Variants in SEMA3D observed in about 807,000 individuals in gnomAD.
The protein encoded by SEMA3D is semaphorin 3D.
SEMA3D carries 84 observed loss-of-function variants against 100.1 expected under a neutral mutation model. The ratio of observed to expected loss-of-function variants is 0.84; its 90% CI spans 0.70 to 1.01. The LOEUF (loss-of-function observed/expected upper bound fraction) is 1.01. SEMA3D is among the 50% of genes least tolerant of loss of function. The pLI is 0.00. For synonymous variants in SEMA3D, 312 were observed against 320.7 expected (o/e 0.97, Z 0.29); for missense variants, 875 against 934.1 (o/e 0.94, Z 0.82).
upstream of SEMA3D, among the ~76,000 whole-genome samples, chr7:85,187,896 GC>G (rs1253188578): frequency 6.6e-6 from 1 of 152,202 alleles, no homozygotes; most frequent in Non-Finnish European, 1.5e-5. Context: ...ATTTTTAGCT[GC>G]ATGGTAAATC....
chr7:85,032,013 C>T (rs190483398), intron 12 of SEMA3D, among the ~76,000 whole-genome samples: 15 of 151,794 alleles, frequency 9.9e-5, no homozygotes, highest in Non-Finnish European at 1.9e-4. Context: ...AGAATATTAA[C>T]GAATAGAGAG....
At chr7:85,147,441 T>C (rs921551784) in intron 2 of SEMA3D, among the ~76,000 whole-genome samples, 1 of 152,084 alleles carries the variant, frequency 6.6e-6, no homozygotes, top group Non-Finnish European at 1.5e-5. Context: ...TGAGCCACCA[T>C]GCCTGGCCTC....
rs536069533 is a variant in SEMA3D, at chr7:85,087,037, A to G, written c.313-5458T>C. Among the ~76,000 whole-genome samples the G allele has an allele frequency of 2.2e-4, 34 of 152,364 alleles. No homozygotes were observed. In the South Asian group the frequency reaches 7.0e-3, roughly 32 times the overall value. On this transcript the variant is annotated intron_variant, in intron 4 of 18. Transcript: ENST00000284136. ...ACTGCCTTTTGAATTTATCAGCAAT[A>G]AAATGCCACATAAATCTTCTTACAC...
intron 1 of SEMA3D, among the ~76,000 whole-genome samples, chr7:85,158,684 A>G (rs1184240351): frequency 6.6e-6 from 1 of 152,048 alleles, no homozygotes; most frequent in Non-Finnish European, 1.5e-5. Context: ...TCCCCTTTTG[A>G]AAATCACTAA....
At chr7:85,009,007 A>G (rs932932871) in intron 17 of SEMA3D, among the ~76,000 whole-genome samples, 1 of 151,796 alleles carries the variant, frequency 6.6e-6, no homozygotes, top group African/African-American at 2.4e-5. Context: ...AATCTGATAA[A>G]ATGCGGAATC....
intron 1 of SEMA3D, among the ~76,000 whole-genome samples, chr7:85,155,571 C>T (rs1270759576): frequency 6.6e-6 from 1 of 152,128 alleles, no homozygotes; most frequent in Admixed American, 6.5e-5. Context: ...AATCAGGGAA[C>T]AGGCCCAATA....
At chr7:85,229,119 T>G in the SEMA3D span, among the ~76,000 whole-genome samples, 1 of 152,048 alleles carries the variant, frequency 6.6e-6, no homozygotes, top group Admixed American at 6.5e-5. Flanking sequence ...GAAGATATAC[T>G]AAGTTGTAAA....
At chr7:85,067,027 T>C (rs1203608161) in intron 7 of SEMA3D, among the ~76,000 whole-genome samples, 1 of 151,838 alleles carries the variant, frequency 6.6e-6, no homozygotes, top group Non-Finnish European at 1.5e-5. Flanking sequence ...ATCAGATAAA[T>C]GGCAATATTT....
intron 2 of SEMA3D, chr7:85,141,382 T>C: frequency 5.1e-6 from 5 of 984,370 alleles, no homozygotes; most frequent in Non-Finnish European, 6.0e-6. Context: ...TCAGTTTTTA[T>C]TGGAATCCAG....
At chr7:85,053,388 TG>T (rs1268401309) in intron 9 of SEMA3D, among the ~76,000 whole-genome samples, 5 of 151,912 alleles carry the variant, frequency 3.3e-5, no homozygotes, top group Non-Finnish European at 7.4e-5. Context: ...ATAATGACGC[TG>T]GGGGGAAGAA....
the SEMA3D span, among the ~76,000 whole-genome samples, chr7:85,218,546 G>C: frequency 6.6e-6 from 1 of 152,048 alleles, no homozygotes; most frequent in South Asian, 2.1e-4. Flanking sequence ...TGTGCAGTTT[G>C]AAGAGTTTAT....
At chr7:85,246,045 A>G in the SEMA3D span, among the ~76,000 whole-genome samples, 2 of 152,138 alleles carry the variant, frequency 1.3e-5, no homozygotes, top group African/African-American at 2.4e-5. Flanking sequence ...GTAGATGTTA[A>G]TGAATATATT....
intron 17 of SEMA3D, among the ~76,000 whole-genome samples, chr7:85,010,702 A>G (rs1789927133): frequency 6.6e-6 from 1 of 151,884 alleles, no homozygotes; most frequent in African/African-American, 2.4e-5. Flanking sequence ...CTTGAAGAAG[A>G]TAATAAGAAT....
In SEMA3D at chr7:85,181,815, G is replaced by C. The variant is rs185015972; in HGVS notation, c.-173+4863C>G. On this transcript the variant is annotated intron_variant, in intron 1 of 18. Coordinates refer to ENST00000284136, the MANE Select transcript of SEMA3D (RefSeq NM_001384900.1). ...GCTAGTTAAAGATGACCTGGTTGAT[G>C]GCTGTTAAAATTATGAAACATGAAC... is the stretch of plus-strand genomic sequence containing the variant. The C allele has an allele frequency of 8.6e-4, 812 of 946,762 alleles. 11 individuals carry two copies. In the African/African-American group the frequency reaches 0.014, roughly 16 times the overall value. 58.6% of individuals were successfully genotyped at this position (946,762 alleles called of 1,614,324 possible).
At chr7:85,116,025 T>C (rs1789230271) in intron 3 of SEMA3D, among the ~76,000 whole-genome samples, 1 of 151,962 alleles carries the variant, frequency 6.6e-6, no homozygotes, top group Non-Finnish European at 1.5e-5. Context: ...TAGGAGTATT[T>C]CATTGTAATA....
the SEMA3D span, among the ~76,000 whole-genome samples, chr7:85,247,355 T>C: frequency 6.6e-6 from 1 of 152,064 alleles, no homozygotes; most frequent in Admixed American, 6.5e-5. Context: ...CAAACTTACA[T>C]GTGAAGAGCA....
chr7:85,141,177 G>A, intron 2 of SEMA3D: 2 of 983,872 alleles, frequency 2.0e-6, no homozygotes, highest in Non-Finnish European at 2.4e-6. Flanking sequence ...ACTAGTTGCA[G>A]CACTATCATT....
intron 6 of SEMA3D, among the ~76,000 whole-genome samples, chr7:85,069,256 ATG>A (rs940469124): frequency 6.6e-6 from 1 of 152,288 alleles, no homozygotes; most frequent in South Asian, 2.1e-4. Context: ...AGAGAAAATT[ATG>A]TGTTATGTTG....
At chr7:85,114,613 T>A (rs1202873247) in intron 3 of SEMA3D, among the ~76,000 whole-genome samples, 2 of 152,122 alleles carry the variant, frequency 1.3e-5, no homozygotes, top group African/African-American at 4.8e-5. Flanking sequence ...CTGCATTCAG[T>A]CTCTGCTTCT....
Sources: allele counts gnomAD v4.1 joint callset (sites outside exome capture counted in the v4.1 genomes callset), GRCh38; gene constraint gnomAD v4.1.1; transcripts MANE v1.5; gene names NCBI Gene and HGNC (gene_info 2026-07-23, HGNC 2026-07-21).